ZCCHC2: variants seen among roughly 807,000 people sequenced by gnomAD.
ZCCHC2 encodes the protein zinc finger CCHC domain-containing protein 2.
In ZCCHC2, 39 loss-of-function variants were observed where a neutral mutation model predicts 103.6. The observed-to-expected ratio is 0.38, with a 90% CI of 0.29 to 0.49. The LOEUF (loss-of-function observed/expected upper bound fraction) is 0.49, where lower values mean the gene tolerates loss of function less well. Among genes scored for constraint, ZCCHC2 ranks in the 20% least tolerant of loss-of-function variants. The probability of loss-of-function intolerance (pLI) is 0.96; values close to 1 mark genes in which losing one functional copy is unlikely to be tolerated. For missense variants in ZCCHC2, 1,483 were observed against 1,491.0 expected, an observed-to-expected ratio of 0.99 and a Z score of 0.09; for synonymous variants, 687 against 608.9, an observed-to-expected ratio of 1.13 and a Z score of -1.89.
rs34072948 is a variant in ZCCHC2 at position 62,576,844 on chromosome 18, CTTTT to C, written c.*278_*281del. On this transcript the variant is annotated 3_prime_UTR_variant, in exon 14 of 14. Transcript: ENST00000269499. ...AGACAAACTTAAATGTTGGTGCGTG[CTTTT>C]TTTTTTTTTTTTACACTGAATACTT... 897 of 213,972 alleles carry C rather than the reference CTTTT, an allele frequency of 4.2e-3. No homozygotes were observed. Among genetic ancestry groups the C allele is most frequent in the South Asian group, 7.8e-3 (98 of 12,606 alleles). The allele number at this position is 213,972 out of a possible 1,614,324, so 13.3% of individuals were successfully genotyped here. A position where few individuals can be genotyped will look rare whatever the true frequency, so the allele number is the denominator to read the frequency against.
intron 1 of ZCCHC2, among the ~76,000 whole-genome samples, chr18:62,534,165 G>C (rs1914821141): frequency 6.6e-6 from 1 of 152,038 alleles, no homozygotes; most frequent in Non-Finnish European, 1.5e-5. Context: ...AAAAAAATTA[G>C]CCTGGCATGG....
chr18:62,544,940 C>G (rs1055591608), intron 4 of ZCCHC2, 67 bp downstream of exon 4: 2 of 1,238,708 alleles, frequency 1.6e-6, no homozygotes, highest in Admixed American at 3.3e-5. Context: ...ACCTCAACGT[C>G]AAAAAAACAC....
intron 1 of ZCCHC2, among the ~76,000 whole-genome samples, chr18:62,530,544 T>TA (rs1914632133): frequency 1.3e-5 from 2 of 152,288 alleles, no homozygotes. Context: ...TAAAAATCCT[T>TA]ATAGTGGAGT....
chr18:62,524,784 C>A (rs1026755119), intron 1 of ZCCHC2: 1 of 176,168 alleles, frequency 5.7e-6, no homozygotes, highest in Non-Finnish European at 1.2e-5. Flanking sequence ...CAGGCAGCGC[C>A]GTCCTTCCCC....
intron 5 of ZCCHC2, among the ~76,000 whole-genome samples, chr18:62,555,462 G>A (rs915182420): frequency 2.0e-5 from 3 of 152,092 alleles, no homozygotes; most frequent in Non-Finnish European, 4.4e-5. Context: ...AGGACTCTTA[G>A]CATCCCAAAC....
chr18:62,528,124 C>CT (rs1292880358), intron 1 of ZCCHC2, among the ~76,000 whole-genome samples: 1 of 152,214 alleles, frequency 6.6e-6, no homozygotes, highest in African/African-American at 2.4e-5. Context: ...AATTGCTTGA[C>CT]TAACAGTACT....
chr18:62,560,273 T>C (rs1054545051), intron 7 of ZCCHC2: 7 of 212,522 alleles, frequency 3.3e-5, no homozygotes, highest in Non-Finnish European at 5.6e-5. Context: ...AAACTCTTCA[T>C]TTTTTAATGG....
chr18:62,552,512 T>C (rs1915707755), intron 5 of ZCCHC2: 2 of 152,300 alleles, frequency 1.3e-5, no homozygotes, highest in South Asian at 4.1e-4. Context: ...GTATTTGTAC[T>C]GTATTTGTAA....
At chr18:62,555,043 G>C (rs1267362822) in intron 5 of ZCCHC2, among the ~76,000 whole-genome samples, 1 of 152,176 alleles carries the variant, frequency 6.6e-6, no homozygotes, top group East Asian at 1.9e-4. Context: ...TAATAGAATG[G>C]GATTTGTATG....
intron 8 of ZCCHC2, among the ~76,000 whole-genome samples, chr18:62,561,659 C>T (rs1916123050): frequency 6.6e-6 from 1 of 152,216 alleles, no homozygotes; most frequent in Admixed American, 6.5e-5. Context: ...GGGATCACTT[C>T]CCAAATAAAC....
At position 62,560,455 on chromosome 18, in the gene ZCCHC2, A is replaced by G. The variant is rs1916067701; in HGVS notation, c.1493-132A>G. Reference sequence around the variant, plus strand: ...TGAAAAATTGCTTAAGATGTCTTCTATGTTGAGAAATGCTTAGAAGTGCTT... The same window carrying G: ...TGAAAAATTGCTTAAGATGTCTTCTGTGTTGAGAAATGCTTAGAAGTGCTT... On this transcript the variant is annotated intron_variant, in intron 7 of 13. Transcript: ENST00000269499. The G allele has an allele frequency of 3.8e-5, 23 of 608,236 alleles. No individual in the cohort carries two copies. In the South Asian group the frequency reaches 4.0e-4, roughly 11 times the overall value. The allele number at this position is 608,236 out of a possible 1,614,324, so 37.7% of individuals were successfully genotyped here.
At position 62,563,631 on chromosome 18, in the gene ZCCHC2, T is replaced by A. The variant is rs113191238; in HGVS notation, c.1686+487T>A. Among the ~76,000 whole-genome samples the A allele has an allele frequency of 7.2e-3, 1,092 of 152,272 alleles. 15 individuals carry two copies. The highest frequency in any genetic ancestry group is 0.025 in the African/African-American group (1,031 of 41,554). On this transcript the variant is annotated intron_variant, in intron 9 of 13. Coordinates refer to ENST00000269499, the MANE Select transcript of ZCCHC2 (RefSeq NM_017742.6). ...ATGATCACACCACTGTACTTCTGCC[T>A]GGGCAACAGAGTGAAACCCTGTCTC...
chr18:62,573,644 T>G (rs1850500789), intron 12 of ZCCHC2, among the ~76,000 whole-genome samples: 1 of 152,202 alleles, frequency 6.6e-6, no homozygotes, highest in African/African-American at 2.4e-5. Flanking sequence ...ACTGAGCTCT[T>G]TGAAATTGTA....
chr18:62,570,669 C>T (rs1300142561), intron 12 of ZCCHC2, among the ~76,000 whole-genome samples: 1 of 152,188 alleles, frequency 6.6e-6, no homozygotes, highest in Non-Finnish European at 1.5e-5. Context: ...ATCCAGCATT[C>T]TAGGTACTGC....
chr18:62,566,371 T>TA (rs1360822941), intron 11 of ZCCHC2, among the ~76,000 whole-genome samples: 1 of 152,238 alleles, frequency 6.6e-6, no homozygotes, highest in African/African-American at 2.4e-5. Flanking sequence ...TTGTAACACT[T>TA]ACTATCTCTG....
At chr18:62,530,600 C>T (rs527580274) in intron 1 of ZCCHC2, among the ~76,000 whole-genome samples, 2 of 151,796 alleles carry the variant, frequency 1.3e-5, no homozygotes, top group South Asian at 2.1e-4. Flanking sequence ...CATTGATGTT[C>T]GGGAAGGACA....
intron 4 of ZCCHC2, among the ~76,000 whole-genome samples, chr18:62,548,169 T>C (rs1243145463): frequency 6.6e-6 from 1 of 151,848 alleles, no homozygotes; most frequent in Non-Finnish European, 1.5e-5. Context: ...GGTGGGAGGC[T>C]GGGTATGCTA....
chr18:62,543,628 C>T (rs558086583), intron 3 of ZCCHC2, among the ~76,000 whole-genome samples: 46 of 152,232 alleles, frequency 3.0e-4, no homozygotes, highest in Middle Eastern at 3.4e-3. Flanking sequence ...CCCCCATTTC[C>T]CCAGACCGAG....
At chr18:62,563,959 G>A (rs576913436) in intron 9 of ZCCHC2, among the ~76,000 whole-genome samples, 1 of 152,120 alleles carries the variant, frequency 6.6e-6, no homozygotes, top group African/African-American at 2.4e-5. Context: ...TCGCAGATAT[G>A]GGGGGAGGTC....
Sources: allele counts gnomAD v4.1 joint callset (sites outside exome capture counted in the v4.1 genomes callset), GRCh38; gene constraint gnomAD v4.1.1; transcripts MANE v1.5; gene names NCBI Gene and HGNC (gene_info 2026-07-23, HGNC 2026-07-21).